Variants in KIAA0586 observed in about 807,000 individuals in gnomAD.
KIAA0586 encodes KIAA0586.
A neutral mutation model predicts 169.8 loss-of-function variants in KIAA0586; 144 were observed. The ratio of observed to expected loss-of-function variants is 0.85; its 90% CI spans 0.74 to 0.97. The LOEUF (loss-of-function observed/expected upper bound fraction) is 0.97, where lower values mean the gene tolerates loss of function less well. KIAA0586 is among the 50% of genes least tolerant of loss of function. The pLI is 0.00. For missense variants in KIAA0586, 1,854 were observed against 1,823.0 expected (o/e 1.02, Z -0.31); for synonymous variants, 625 against 612.4 (o/e 1.02, Z -0.30).
chr14:58,490,117 G>A (rs1368925364), intron 24 of KIAA0586, 47 bp from the exon 25 acceptor site: 4 of 910,372 alleles, frequency 4.4e-6, no homozygotes, highest in African/African-American at 3.5e-5. Flanking sequence ...TATTTACTAA[G>A]TTTGTGTTTC....
chr14:58,540,939 G>A (rs990468366), intron 30 of KIAA0586, among the ~76,000 whole-genome samples: 1 of 152,206 alleles, frequency 6.6e-6, no homozygotes, highest in Non-Finnish European at 1.5e-5. Flanking sequence ...TATGTGAGGA[G>A]AATTGAATAC....
chr14:58,456,720 G>T lies in KIAA0586; in HGVS notation c.1272G>T (p.Glu424Asp). ...EKTNRFPSCE[E>D]LETTKVTMQK... Reference sequence around the variant, plus strand: ...CTCAAAGATTTCCTTCCTGTGAAGAGCTAGAAACAACTAAAGTGACTATGC... The same window carrying T: ...CTCAAAGATTTCCTTCCTGTGAAGATCTAGAAACAACTAAAGTGACTATGC... Residue 424 changes from glutamate (E) to aspartate (D), a missense_variant, in exon 10 of 31, where the codon GAG (glutamate) becomes GAT (aspartate). By Grantham distance (45) the Glu-to-Asp change is conservative (BLOSUM62 2). Transcript: ENST00000652326. 1 of 1,600,034 alleles carries T rather than the reference G, an allele frequency of 6.2e-7. No homozygotes were observed. The highest frequency in any genetic ancestry group is 1.1e-5 in the South Asian group (1 of 88,680).
chr14:58,487,831 A>G, intron 22 of KIAA0586, 56 bp from the exon 23 acceptor site: 1 of 1,136,102 alleles, frequency 8.8e-7, no homozygotes, highest in East Asian at 2.5e-5. Flanking sequence ...ATGCCATCCT[A>G]TGGAGTTCTT....
intron 4 of KIAA0586, chr14:58,442,093 G>GT (rs1192125984): frequency 2.0e-5 from 3 of 151,678 alleles, no homozygotes; most frequent in Non-Finnish European, 4.4e-5. Flanking sequence ...TTTCTGAGTA[G>GT]TTTTTTTTGT....
upstream of KIAA0586, chr14:58,427,582 C>T (rs904057335): frequency 1.4e-5 from 21 of 1,535,464 alleles, no homozygotes; most frequent in Non-Finnish European, 1.6e-5. Context: ...TGTTTCCACC[C>T]GGAGAGGAAT....
At chr14:58,512,691 G>A in intron 29 of KIAA0586, 64 bp downstream of exon 29, 1 of 923,462 alleles carries the variant, frequency 1.1e-6, no homozygotes, top group African/African-American at 1.8e-5. Flanking sequence ...GAACAAATAT[G>A]AGAATTCTTT....
chr14:58,527,512 G>A (rs866329077), intron 29 of KIAA0586, among the ~76,000 whole-genome samples: 10 of 152,092 alleles, frequency 6.6e-5, no homozygotes, highest in Admixed American at 1.3e-4. Flanking sequence ...CTCTCTCTGC[G>A]GAAACCCTAC....
At chr14:58,454,863 C>T (rs2039689946) in intron 9 of KIAA0586, among the ~76,000 whole-genome samples, 1 of 152,138 alleles carries the variant, frequency 6.6e-6, no homozygotes, top group South Asian at 2.1e-4. Flanking sequence ...AATTTTGCTA[C>T]ATACAGAATT....
intron 24 of KIAA0586, among the ~76,000 whole-genome samples, chr14:58,489,656 A>G (rs113678751): frequency 1.9e-3 from 290 of 152,150 alleles, no homozygotes; most frequent in African/African-American, 6.8e-3. Context: ...ATTGTTTTCA[A>G]TGCTTTCAGT....
intron 29 of KIAA0586, among the ~76,000 whole-genome samples, chr14:58,523,217 G>A (rs548700480): frequency 6.6e-6 from 1 of 152,232 alleles, no homozygotes; most frequent in African/African-American, 2.4e-5. Context: ...GGTACTAAAA[G>A]TAATTTCCTT....
At chr14:58,489,285 T>A (rs1044868128) in intron 24 of KIAA0586, among the ~76,000 whole-genome samples, 5 of 149,884 alleles carry the variant, frequency 3.3e-5, no homozygotes, top group African/African-American at 7.3e-5. Context: ...GGTGGCATGA[T>A]CATGGTTCAC....
chr14:58,490,188 T>G lies in KIAA0586; in HGVS notation c.3806T>G (p.Leu1269Arg), dbSNP rs1416884699. 6.6e-7 allele frequency: 1 copy of G among 1,524,154 alleles called. No individual in the cohort carries two copies. Among genetic ancestry groups the G allele is most frequent in the Non-Finnish European group, 8.9e-7 (1 of 1,124,710 alleles). The allele number at this position is 1,524,154 out of a possible 1,614,324, so 94.4% of individuals were successfully genotyped here. A position where few individuals can be genotyped will look rare whatever the true frequency, so the allele number is the denominator to read the frequency against. ...PKILEDIGLY[L>R]TNLNDSLSST... ...GTTTTAGAAGATATAGGACTGTACC[T>G]GACAAACCTTAATGATAGCTTATCC... The change falls in exon 25 of 31, where the codon CTG becomes CGG. Residue 1269 changes from leucine (L) to arginine (R), a missense_variant. Physicochemically the swap from Leu to Arg is moderately radical, Grantham distance 102. Transcript: ENST00000652326.
chr14:58,460,923 G>C (rs542750071), intron 13 of KIAA0586, 63 bp from the exon 14 acceptor site: 69 of 1,254,712 alleles, frequency 5.5e-5, no homozygotes, highest in Non-Finnish European at 7.2e-5. Flanking sequence ...GGAGGCTTTA[G>C]AAAAATGAGA....
At chr14:58,547,154 T>TA (rs1566968874) in intron 30 of KIAA0586, among the ~76,000 whole-genome samples, 1,644 of 125,270 alleles carry the variant, frequency 0.013, 29 homozygotes, top group African/African-American at 0.052. Context: ...CTTACCTCTT[T>TA]TAAAAAAAAA....
intron 9 of KIAA0586, among the ~76,000 whole-genome samples, chr14:58,456,186 C>T (rs563844268): frequency 6.6e-6 from 1 of 152,150 alleles, no homozygotes; most frequent in Non-Finnish European, 1.5e-5. Context: ...TCGAGGCCGC[C>T]ACAGAGTTGG....
chr14:58,517,173 G>C (rs2044826122), intron 29 of KIAA0586, among the ~76,000 whole-genome samples: 1 of 152,276 alleles, frequency 6.6e-6, no homozygotes, highest in Middle Eastern at 3.4e-3. Flanking sequence ...ACAGTGTTAA[G>C]AGAATGAAAA....
chr14:58,518,261 C>CTCTTTT (rs2044908068), intron 29 of KIAA0586, among the ~76,000 whole-genome samples: 1 of 152,096 alleles, frequency 6.6e-6, no homozygotes, highest in Non-Finnish European at 1.5e-5. Flanking sequence ...CATTTATTTA[C>CTCTTTT]TCTTACATCT....
intron 20 of KIAA0586, among the ~76,000 whole-genome samples, chr14:58,479,872 C>T (rs747268162): frequency 6.6e-5 from 10 of 152,078 alleles, no homozygotes; most frequent in Non-Finnish European, 1.3e-4. Context: ...GACTTTGTAT[C>T]CTGTCTCATT....
Position 58,548,049 on chromosome 14 carries a change from C to T in KIAA0586, c.*117C>T, listed in dbSNP as rs555880417. On this transcript the variant is annotated 3_prime_UTR_variant, in exon 31 of 31. Transcript: ENST00000652326. ...TGAGCATATTCTGAAAAAAAAATTC[C>T]AATATTTTAAAATAAAACAAAAAGC... is the stretch of plus-strand genomic sequence containing the variant. 1.9e-4 allele frequency: 234 copies of T among 1,208,264 alleles called. No homozygotes were observed. The African/African-American group carries it at 3.2e-3, about 17-fold the overall frequency. 74.8% of individuals were successfully genotyped at this position (1,208,264 alleles called of 1,614,324 possible).
Sources: allele counts gnomAD v4.1 joint callset (sites outside exome capture counted in the v4.1 genomes callset), GRCh38; gene constraint gnomAD v4.1.1; transcripts MANE v1.5; gene names NCBI Gene and HGNC (gene_info 2026-07-23, HGNC 2026-07-21).